SHROOM2: variants seen among roughly 807,000 people sequenced by gnomAD.
The protein encoded by SHROOM2 is shroom family member 2.
Under a neutral mutation model 75.9 loss-of-function variants are expected in SHROOM2, and 33 were observed. The observed-to-expected ratio is 0.43, with a 90% CI of 0.33 to 0.58. The LOEUF is 0.58. Ranked by LOEUF, SHROOM2 falls within the 20% of genes least tolerant of loss-of-function variation. The probability of loss-of-function intolerance (pLI) is 0.04; values close to 1 mark genes in which losing one functional copy is unlikely to be tolerated. For synonymous variants in SHROOM2, 655 were observed against 663.6 expected (o/e 0.99, Z 0.20); for missense variants, 1,434 against 1,461.2 (o/e 0.98, Z 0.30).
At chrX:9,854,941 G>GT (rs1183714378) in intron 1 of SHROOM2, among the ~76,000 whole-genome samples, 1 of 110,794 alleles carries the variant, frequency 9.0e-6, no homozygotes, top group Non-Finnish European at 1.9e-5. Context: ...CCACGGGTGA[G>GT]TCTGCGGCAG....
At chrX:9,810,099 T>C (rs968846203) in intron 1 of SHROOM2, among the ~76,000 whole-genome samples, 1 of 112,594 alleles carries the variant, frequency 8.9e-6, no homozygotes. Context: ...GAGGAAATAC[T>C]CATGACAATT....
At chrX:9,849,557 C>T (rs1331233765) in intron 1 of SHROOM2, among the ~76,000 whole-genome samples, 1 of 111,336 alleles carries the variant, frequency 9.0e-6, no homozygotes, top group Non-Finnish European at 1.9e-5. Context: ...GGGGTCCATC[C>T]CTCTGGGGTG....
At chrX:9,866,736 G>A (rs1417802150) in intron 1 of SHROOM2, among the ~76,000 whole-genome samples, 2 of 111,656 alleles carry the variant, frequency 1.8e-5, no homozygotes, top group African/African-American at 3.3e-5. Context: ...CTCCTCCACT[G>A]CCATGGCTGC....
intron 8 of SHROOM2, among the ~76,000 whole-genome samples, chrX:9,943,765 A>T (rs886642169): frequency 8.9e-6 from 1 of 112,526 alleles, no homozygotes; most frequent in Admixed American, 9.4e-5. Flanking sequence ...GTCAAGTTGA[A>T]ATCAGTAGGT....
intron 6 of SHROOM2, among the ~76,000 whole-genome samples, chrX:9,935,795 G>A (rs774390683): frequency 1.8e-4 from 20 of 111,756 alleles, no homozygotes; most frequent in Non-Finnish European, 2.6e-4. Context: ...GTGTAACATC[G>A]TAGGGGCAGT....
intron 1 of SHROOM2, among the ~76,000 whole-genome samples, chrX:9,791,782 C>A (rs982763992): frequency 1.8e-5 from 2 of 110,083 alleles, no homozygotes; most frequent in African/African-American, 3.3e-5. Context: ...CACCTGAGGT[C>A]GGGAGTTCAG....
chrX:9,921,571 A>C (rs1291496193), intron 5 of SHROOM2, among the ~76,000 whole-genome samples: 3 of 108,495 alleles, frequency 2.8e-5, no homozygotes, highest in Non-Finnish European at 3.8e-5. Context: ...TGGGTAATTC[A>C]TCTTGCGTAA....
At chrX:9,892,508 AG>A (rs1184494196) in intron 3 of SHROOM2, among the ~76,000 whole-genome samples, 1 of 111,789 alleles carries the variant, frequency 8.9e-6, no homozygotes, top group Non-Finnish European at 1.9e-5. Flanking sequence ...AAGTGACTTA[AG>A]GTGATGAGAT....
chrX:9,898,355 T>G, intron 5 of SHROOM2, 65 bp downstream of exon 5: 1 of 861,109 alleles, frequency 1.2e-6, no homozygotes, highest in Non-Finnish European at 1.6e-6. Flanking sequence ...GTACGATGGG[T>G]GGGTGCTTGG....
At chrX:9,794,230 G>A (rs970042191) in intron 1 of SHROOM2, among the ~76,000 whole-genome samples, 34 of 111,875 alleles carry the variant, frequency 3.0e-4, no homozygotes, top group Non-Finnish European at 5.3e-4. Flanking sequence ...ACAACTCTGC[G>A]TGTAGCTTCT....
At chrX:9,824,818 G>T (rs761377103) in intron 1 of SHROOM2, among the ~76,000 whole-genome samples, 2 of 111,391 alleles carry the variant, frequency 1.8e-5, no homozygotes, top group South Asian at 7.6e-4. Flanking sequence ...AGTTTGACAC[G>T]GCTGTTTTCA....
At chrX:9,874,924 T>C (rs1184579189) in intron 2 of SHROOM2, among the ~76,000 whole-genome samples, 1 of 105,044 alleles carries the variant, frequency 9.5e-6, no homozygotes, top group African/African-American at 3.4e-5. Flanking sequence ...CAAAAAATTT[T>C]TTTTTAATTA....
At chrX:9,842,606 A>G (rs774045009) in intron 1 of SHROOM2, among the ~76,000 whole-genome samples, 3 of 112,069 alleles carry the variant, frequency 2.7e-5, no homozygotes, top group African/African-American at 9.7e-5. Flanking sequence ...TGATGACACA[A>G]ACGTCTGTGG....
chrX:9,923,016 C>T (rs1420090900), intron 5 of SHROOM2, among the ~76,000 whole-genome samples: 2 of 111,695 alleles, frequency 1.8e-5, no homozygotes, highest in Non-Finnish European at 3.8e-5. Flanking sequence ...TTTTAAAACC[C>T]GCGTGTCTGT....
chrX:9,792,042 AATAG>A (rs2083656373), intron 1 of SHROOM2, among the ~76,000 whole-genome samples: 1 of 797 alleles, frequency 1.3e-3, no homozygotes, highest in African/African-American at 3.6e-3. Context: ...AATAGAATAG[AATAG>A]AATAGAATAG....
At chrX:9,809,219 G>C (rs895963703) in intron 1 of SHROOM2, among the ~76,000 whole-genome samples, 4 of 111,231 alleles carry the variant, frequency 3.6e-5, no homozygotes, top group East Asian at 5.7e-4. Flanking sequence ...GGAGCAAGGA[G>C]AGCCAGTCCG....
chrX:9,805,414 T>A (rs1396277170), intron 1 of SHROOM2, among the ~76,000 whole-genome samples: 1 of 111,780 alleles, frequency 8.9e-6, no homozygotes, highest in Non-Finnish European at 1.9e-5. Flanking sequence ...AAAATTCCGG[T>A]GTTGAAATCC....
intron 1 of SHROOM2, among the ~76,000 whole-genome samples, chrX:9,851,506 A>C (rs1021877380): frequency 3.1e-4 from 26 of 84,714 alleles, no homozygotes; most frequent in African/African-American, 8.4e-4. Flanking sequence ...GCTGGAGTGC[A>C]ATGGCGTGAT....
chrX:9,934,797 A>C (rs1309886948), intron 6 of SHROOM2, among the ~76,000 whole-genome samples: 3 of 110,833 alleles, frequency 2.7e-5, no homozygotes, highest in Non-Finnish European at 5.7e-5. Context: ...CCGGTACTGT[A>C]TTTTATATTA....
Sources: allele counts gnomAD v4.1 joint callset (sites outside exome capture counted in the v4.1 genomes callset), GRCh38; gene constraint gnomAD v4.1.1; transcripts MANE v1.5; gene names NCBI Gene and HGNC (gene_info 2026-07-23, HGNC 2026-07-21).